The following SUOX variants were observed in gnomAD, a reference collection of about 807,000 sequenced individuals.
The protein encoded by SUOX is sulfite oxidase, also known as sulfite oxidase, mitochondrial.
Under a neutral mutation model 41.9 loss-of-function variants are expected in SUOX, and 39 were observed. That is an observed-to-expected ratio of 0.93 (90% confidence interval 0.72 to 1.21). The LOEUF is 1.21. Among genes scored for constraint, SUOX ranks in the 50% most tolerant of loss-of-function variants. SUOX has a pLI of 0.00. For missense variants in SUOX, 633 were observed against 689.5 expected, an observed-to-expected ratio of 0.92 and a Z score of 0.92; for synonymous variants, 220 against 268.4, an observed-to-expected ratio of 0.82 and a Z score of 1.76.
chr12:56,001,800 G>A (rs994506716), intron 2 of SUOX: 3 of 518,946 alleles, frequency 5.8e-6, no homozygotes, highest in Admixed American at 5.1e-5. Context: ...TTTTATCCCT[G>A]TTTAAGTCAG....
At chr12:56,002,108 C>G in intron 2 of SUOX, 104 bp from the exon 3 acceptor site, 4 of 1,541,778 alleles carry the variant, frequency 2.6e-6, no homozygotes, top group Non-Finnish European at 2.6e-6. Context: ...CAGAAAGCTC[C>G]TTGCTGACCT....
In SUOX at chr12:56,003,670, C is replaced by T; in HGVS notation, c.281C>T (p.Thr94Ile). 6.2e-7 allele frequency: 1 copy of T among 1,614,018 alleles called. No individual in the cohort carries two copies. The highest frequency in any genetic ancestry group is 8.5e-7 in the Non-Finnish European group (1 of 1,179,926). Residue 94 changes from threonine (T) to isoleucine (I), a missense_variant, in exon 5 of 5, where the codon ACC becomes ATC. By Grantham distance (89) the Thr-to-Ile change is moderately conservative. Coordinates refer to ENST00000266971, the MANE Select transcript of SUOX (RefSeq NM_001032386.2). ...IYTKEEVSSH[T>I]SPETGIWVTL... ...ACTAAGGAGGAAGTGAGTTCCCACA[C>T]CAGCCCTGAGACTGGGATCTGGGTG...
chr12:56,002,246 G>T lies in SUOX; in HGVS notation c.25G>T (p.Val9Phe). 6.2e-7 allele frequency: 1 copy of T among 1,612,700 alleles called. No individual in the cohort carries two copies. The highest frequency in any genetic ancestry group is 8.5e-7 in the Non-Finnish European group (1 of 1,180,002). ...AATGCTGCTGCTGCACAGAGCTGTGGTCCTCAGGCTCCAACAGGCCTGCAG... is the reference window on the plus strand; with the variant it reads ...AATGCTGCTGCTGCACAGAGCTGTGTTCCTCAGGCTCCAACAGGCCTGCAG... MLLLHRAVVLRLQQACRLK... is the reference protein window; with the variant it reads MLLLHRAVFLRLQQACRLK... The change falls in exon 3 of 5, where the codon GTC becomes TTC. Residue 9 changes from valine (V) to phenylalanine (F), a missense_variant. By Grantham distance (50) the Val-to-Phe change is conservative. Transcript: ENST00000266971.
Position 56,004,887 on chromosome 12 carries a change from G to A in SUOX, c.1498G>A (p.Gly500Arg), listed in dbSNP as rs868484025. 1 of 1,614,114 alleles carries A rather than the reference G, an allele frequency of 6.2e-7. No individual in the cohort carries two copies. The highest frequency in any genetic ancestry group is 1.3e-5 in the African/African-American group (1 of 75,020). The change falls in exon 5 of 5, where the codon GGA (glycine) becomes AGA (arginine). Residue 500 changes from glycine to arginine, a missense_variant. Physicochemically the swap from Gly to Arg is moderately radical, Grantham distance 125 (BLOSUM62 -2). Coordinates refer to ENST00000266971, the MANE Select transcript of SUOX (RefSeq NM_001032386.2). This position sits in a 1 kb window ranked among gnomAD's most constrained non-coding sequence, Gnocchi z 4.5. ...GCAGTTGAAAGCCCCTGTGCCAGCTGGACAAAAGGAACTGAACATTGTTTG... is the reference window on the plus strand; with the variant it reads ...GCAGTTGAAAGCCCCTGTGCCAGCTAGACAAAAGGAACTGAACATTGTTTG... ...LWQLKAPVPA[G>R]QKELNIVCKA...
Position 56,004,393 on chromosome 12 carries a change from C to G in SUOX, c.1004C>G (p.Pro335Arg), listed in dbSNP as rs773622348. ...GGGACTGCCTATGGAGCATCCATCC[C>G]TCTGGCTCGGGCCATGGACCCTGAA... ...PTGTAYGASIPLARAMDPEAE... is the reference protein window; with the variant it reads ...PTGTAYGASIRLARAMDPEAE... Residue 335 changes from proline (P) to arginine (R), a missense_variant, in exon 5 of 5, where the codon CCT (proline) becomes CGT (arginine). Physicochemically the swap from Pro to Arg is moderately radical, Grantham distance 103 (BLOSUM62 -2). Coordinates refer to ENST00000266971, the MANE Select transcript of SUOX (RefSeq NM_001032386.2). This position sits in a 1 kb window ranked among gnomAD's most constrained non-coding sequence, Gnocchi z 4.5. 1 of 1,614,056 alleles carries G rather than the reference C, an allele frequency of 6.2e-7. No individual in the cohort carries two copies. Among genetic ancestry groups the G allele is most frequent in the Non-Finnish European group, 8.5e-7 (1 of 1,179,922 alleles).
chr12:56,000,506 G>A (rs1372263773), intron 2 of SUOX, among the ~76,000 whole-genome samples: 2 of 152,180 alleles, frequency 1.3e-5, no homozygotes, highest in East Asian at 1.9e-4. Flanking sequence ...GCTCAGCCCC[G>A]GTTCCCGCTC....
At chr12:55,998,109 T>C (rs1890374582) in intron 2 of SUOX, among the ~76,000 whole-genome samples, 1 of 151,800 alleles carries the variant, frequency 6.6e-6, no homozygotes, top group Non-Finnish European at 1.5e-5. Flanking sequence ...TTTTTTAGGG[T>C]GAATGGAGGG....
intron 2 of SUOX, chr12:55,999,338 G>A (rs1466745715): frequency 6.5e-6 from 1 of 153,566 alleles, no homozygotes; most frequent in Non-Finnish European, 1.4e-5. Flanking sequence ...TGTAGGGACG[G>A]AGTCTCCAAC....
intron 2 of SUOX, 56 bp from the exon 3 acceptor site, chr12:56,002,156 C>T (rs755598300): frequency 3.7e-6 from 6 of 1,605,152 alleles, no homozygotes; most frequent in Non-Finnish European, 5.1e-6. Context: ...CTTAGGCCTC[C>T]CTAATATCCC....
In SUOX at chr12:56,003,684, G is replaced by A. The variant is rs148116515; in HGVS notation, c.295G>A (p.Gly99Arg). Residue 99 changes from glycine (G) to arginine (R), a missense_variant, in exon 5 of 5, where the codon GGG becomes AGG. Coordinates refer to ENST00000266971, the MANE Select transcript of SUOX (RefSeq NM_001032386.2). Reference sequence around the variant, plus strand: ...GAGTTCCCACACCAGCCCTGAGACTGGGATCTGGGTGACTCTGGGCTCTGA... The same window carrying A: ...GAGTTCCCACACCAGCCCTGAGACTAGGATCTGGGTGACTCTGGGCTCTGA... The part of the protein sequence containing the change: ...EVSSHTSPET[G>R]IWVTLGSEVF... The A allele has an allele frequency of 3.1e-6, 5 of 1,613,598 alleles. No homozygotes were observed. The African/African-American group carries it at 5.3e-5, about 17-fold the overall frequency.
chr12:56,003,032 CA>C (rs34305778), intron 4 of SUOX: 79,733 of 217,522 alleles, frequency 0.37, 9,660 homozygotes, highest in Middle Eastern at 0.44. Flanking sequence ...GACTCCATCT[CA>C]AAAAAAAAAA....
rs1385441284 is a variant in SUOX, at chr12:56,004,505, G to A, written c.1116G>A (p.Val372=). 1 of 1,613,946 alleles carries A rather than the reference G, an allele frequency of 6.2e-7. No homozygotes were observed. Among genetic ancestry groups the A allele is most frequent in the Non-Finnish European group, 8.5e-7 (1 of 1,180,038 alleles). The stretch of plus-strand genomic sequence containing the variant: ...CTGTGCGTGTGGTGGTTCCTGGAGT[G>A]GTGGGTGCCCGCCATGTCAAATGGC... ...GFPVRVVVPG[V]VGARHVKWLG... is the part of the protein sequence containing the mutation. Residue 372 remains valine, a synonymous_variant, in exon 5 of 5, where the codon GTG becomes GTA. Transcript: ENST00000266971. This position sits in a 1 kb window ranked among gnomAD's most constrained non-coding sequence, Gnocchi z 4.5.
intron 2 of SUOX, chr12:56,002,002 TA>T (rs1890548095): frequency 7.0e-7 from 1 of 1,436,818 alleles, no homozygotes; most frequent in Non-Finnish European, 9.1e-7. Context: ...CCACCCGCAT[TA>T]CCTGCCATCC....
At chr12:56,003,013 A>T (rs892055121) in intron 4 of SUOX, 5 of 303,600 alleles carry the variant, frequency 1.6e-5, no homozygotes, top group African/African-American at 1.1e-4. Flanking sequence ...AGCCTGGGTG[A>T]CAGAGTGAGA....
At chr12:56,001,855 G>C (rs893616968) in intron 2 of SUOX, 9 of 1,038,988 alleles carry the variant, frequency 8.7e-6, no homozygotes, top group South Asian at 6.2e-5. Context: ...ATAATAATCT[G>C]GCCAGTAGAC....
intron 2 of SUOX, among the ~76,000 whole-genome samples, chr12:55,999,920 G>C (rs1890450226): frequency 6.6e-6 from 1 of 152,164 alleles, no homozygotes; most frequent in Non-Finnish European, 1.5e-5. Flanking sequence ...TAGACATAAA[G>C]GTTCTCCAAG....
chr12:56,001,910 C>G (rs939451681), intron 2 of SUOX: 1 of 1,274,992 alleles, frequency 7.8e-7, no homozygotes, highest in African/African-American at 1.5e-5. Context: ...GCATCGTTCT[C>G]TATGGTGGAC....
Position 56,004,151 on chromosome 12 carries a change from C to T in SUOX, c.762C>T (p.Pro254=), listed in dbSNP as rs1384196634. The change falls in exon 5 of 5, where the codon CCC becomes CCT. Residue 254 remains proline, a synonymous_variant. Transcript: ENST00000266971. This position sits in a 1 kb window ranked among gnomAD's most constrained non-coding sequence, Gnocchi z 4.5. Reference sequence around the variant, plus strand: ...CCCTGGATGACTTGCACAACTTTCCCAGGTACGAGATCACAGTCACTCTGC... The same window carrying T: ...CCCTGGATGACTTGCACAACTTTCCTAGGTACGAGATCACAGTCACTCTGC... ...SLSLDDLHNF[P]RYEITVTLQC... 1.9e-6 allele frequency: 3 copies of T among 1,614,202 alleles called. No homozygotes were observed. Among genetic ancestry groups the T allele is most frequent in the South Asian group, 2.2e-5 (2 of 91,086 alleles).
chr12:56,002,276 G>A lies in SUOX; in HGVS notation c.50+5G>A, dbSNP rs1293389677. The stretch of plus-strand genomic sequence containing the variant: ...CAGGCTCCAACAGGCCTGCAGGTAG[G>A]CCAGCCCATCCCAGGACTTGCCTCC... On this transcript the variant is annotated splice_donor_5th_base_variant and intron_variant, in intron 3 of 4. Transcript: ENST00000266971. 2 of 1,610,780 alleles carry A rather than the reference G, an allele frequency of 1.2e-6. No homozygotes were observed. Among genetic ancestry groups the A allele is most frequent in the African/African-American group, 1.3e-5 (1 of 74,888 alleles).
Sources: allele counts gnomAD v4.1 joint callset (sites outside exome capture counted in the v4.1 genomes callset), GRCh38; gene constraint gnomAD v4.1.1; non-coding constraint Gnocchi (gnomAD v3.1); transcripts MANE v1.5; gene names NCBI Gene and HGNC (gene_info 2026-07-23, HGNC 2026-07-21).